CD2AP: variants seen among roughly 807,000 people sequenced by gnomAD.
The protein encoded by CD2AP is CD2 associated protein.
A neutral mutation model predicts 85.1 loss-of-function variants in CD2AP; 46 were observed. The observed-to-expected ratio is 0.54, with a 90% confidence interval of 0.43 to 0.69. The LOEUF (loss-of-function observed/expected upper bound fraction) is 0.69. Ranked by LOEUF, CD2AP falls within the 30% of genes least tolerant of loss-of-function variation. CD2AP has a pLI of 0.00. For missense variants in CD2AP, 769 were observed against 729.5 expected, an observed-to-expected ratio of 1.05 and a Z score of -0.62; for synonymous variants, 255 against 252.9, an observed-to-expected ratio of 1.01 and a Z score of -0.08.
chr6:47,541,808 A>G (rs895160607), intron 3 of CD2AP, among the ~76,000 whole-genome samples: 11 of 152,206 alleles, frequency 7.2e-5, no homozygotes, highest in African/African-American at 1.4e-4. Context: ...ACAAGAACAT[A>G]AGTCTTCTGA....
chr6:47,522,292 C>T (rs996620844), intron 2 of CD2AP, among the ~76,000 whole-genome samples: 20 of 152,104 alleles, frequency 1.3e-4, no homozygotes, highest in South Asian at 2.1e-4. Context: ...TATTTTTATT[C>T]GCTGTACTTA....
chr6:47,553,793 T>C (rs1480790524), intron 4 of CD2AP, among the ~76,000 whole-genome samples: 2 of 152,166 alleles, frequency 1.3e-5, no homozygotes, highest in Non-Finnish European at 2.9e-5. Flanking sequence ...TAAATGTTTT[T>C]CTGAAGTGTT....
Position 47,503,297 on chromosome 6 carries a change from T to G in CD2AP, c.22T>G (p.Tyr8Asp). MVDYIVE[Y>D]DYDAVHDDEL... ...TTTTTTAGTTGACTATATTGTGGAG[T>G]ATGACTATGATGCTGTACATGATGA... The change falls in exon 2 of 18, where the codon TAT (tyrosine) becomes GAT (aspartate). Residue 8 changes from tyrosine to aspartate, a missense_variant. Transcript: ENST00000359314. The G allele has an allele frequency of 1.9e-6, 3 of 1,613,716 alleles. No homozygotes were observed. The highest frequency in any genetic ancestry group is 2.5e-6 in the Non-Finnish European group (3 of 1,179,800).
chr6:47,576,184 T>C (rs1768306120), intron 6 of CD2AP, among the ~76,000 whole-genome samples: 1 of 152,186 alleles, frequency 6.6e-6, no homozygotes, highest in African/African-American at 2.4e-5. Context: ...CATGCAGTTC[T>C]CCTGCCTTGG....
chr6:47,525,280 C>T (rs1210268915), intron 2 of CD2AP, among the ~76,000 whole-genome samples: 1 of 151,962 alleles, frequency 6.6e-6, no homozygotes, highest in African/African-American at 2.4e-5. Context: ...GATTATGCTT[C>T]TGTGAAGTAG....
At chr6:47,495,111 C>T (rs532770526) in intron 1 of CD2AP, among the ~76,000 whole-genome samples, 7 of 152,008 alleles carry the variant, frequency 4.6e-5, no homozygotes, top group South Asian at 2.1e-4. Flanking sequence ...TGCAGTGAGC[C>T]GAAATTACTC....
intron 1 of CD2AP, among the ~76,000 whole-genome samples, chr6:47,496,141 CAG>C (rs1190847691): frequency 6.6e-6 from 1 of 152,070 alleles, no homozygotes; most frequent in Non-Finnish European, 1.5e-5. Flanking sequence ...GAACATCCAT[CAG>C]AGTTTTCTTT....
At chr6:47,503,586 A>C in intron 2 of CD2AP, 146 bp downstream of exon 2, 1 of 718,600 alleles carries the variant, frequency 1.4e-6, no homozygotes, top group Non-Finnish European at 2.4e-6. Context: ...AGGTACCTCT[A>C]TAATGGATAT....
chr6:47,611,952 A>G (rs1471067049), intron 16 of CD2AP, among the ~76,000 whole-genome samples: 2 of 152,152 alleles, frequency 1.3e-5, no homozygotes, highest in African/African-American at 4.8e-5. Context: ...AGAAGGGAAC[A>G]CGGGAAGGTG....
rs141074097 is a variant in CD2AP at position 47,483,268 on chromosome 6, T to G, written c.4+5020T>G. On this transcript the variant is annotated intron_variant, in intron 1 of 17. Transcript: ENST00000359314. Reference sequence around the variant, plus strand: ...AGAACAGTAGTTTAAGAAATCTGGATGGAGGTCTATATGTGCCTACAGTCA... The same window carrying G: ...AGAACAGTAGTTTAAGAAATCTGGAGGGAGGTCTATATGTGCCTACAGTCA... 2.1e-4 allele frequency among the ~76,000 whole-genome samples: 32 copies of G among 152,248 alleles called. No homozygotes were observed. The East Asian group carries it at 5.2e-3, about 25-fold the overall frequency.
At chr6:47,512,537 A>G (rs1050824042) in intron 2 of CD2AP, among the ~76,000 whole-genome samples, 1 of 152,212 alleles carries the variant, frequency 6.6e-6, no homozygotes, top group Non-Finnish European at 1.5e-5. Context: ...CTTATTATGA[A>G]AAACTTTAGA....
At chr6:47,622,365 C>A (rs185664019) in intron 17 of CD2AP, among the ~76,000 whole-genome samples, 1 of 152,256 alleles carries the variant, frequency 6.6e-6, no homozygotes, top group African/African-American at 2.4e-5. Context: ...AGGTCTCTCG[C>A]CCCGTTCAAA....
intron 10 of CD2AP, among the ~76,000 whole-genome samples, chr6:47,581,121 A>G (rs1284101682): frequency 2.0e-5 from 3 of 152,314 alleles, no homozygotes; most frequent in Admixed American, 6.5e-5. Context: ...TAGATACTTT[A>G]TATGTAATTT....
At position 47,477,948 on chromosome 6, in the gene CD2AP, G is replaced by C. The variant is rs9369697; in HGVS notation, c.-297G>C. 1,855 of 516,748 alleles carry C rather than the reference G, an allele frequency of 3.6e-3. 41 individuals are homozygous for C. The Admixed American group carries it at 0.038, about 11-fold the overall frequency. The allele number at this position is 516,748 out of a possible 1,614,324, so 32.0% of individuals were successfully genotyped here. On this transcript the variant is annotated 5_prime_UTR_variant, in exon 1 of 18. Coordinates refer to ENST00000359314, the MANE Select transcript of CD2AP (RefSeq NM_012120.3). Reference sequence around the variant, plus strand: ...TCCCTCCCCACTGCGGGAGCGGCCAGGGTGGGAAAACCGCGGTCGGGCGGG... The same window carrying C: ...TCCCTCCCCACTGCGGGAGCGGCCACGGTGGGAAAACCGCGGTCGGGCGGG...
chr6:47,511,898 C>T lies in CD2AP; in HGVS notation c.165+8458C>T, dbSNP rs181009394. Among the ~76,000 whole-genome samples, 24 of 151,492 alleles carry T rather than the reference C, an allele frequency of 1.6e-4. No homozygotes were observed. The East Asian group carries it at 3.7e-3, about 23-fold the overall frequency. On this transcript the variant is annotated intron_variant, in intron 2 of 17. Coordinates refer to ENST00000359314, the MANE Select transcript of CD2AP (RefSeq NM_012120.3). ...AAAAATTGGCCGGGGGTGGCTCACA[C>T]TTGTAATCCCAGCACTTTGGGAGGC...
At chr6:47,507,142 C>A (rs1276316805) in intron 2 of CD2AP, among the ~76,000 whole-genome samples, 1 of 152,190 alleles carries the variant, frequency 6.6e-6, no homozygotes, top group African/African-American at 2.4e-5. Context: ...GGAAGCAACT[C>A]CTCATCTGTC....
At position 47,626,087 on chromosome 6, in the gene CD2AP, C is replaced by T. The variant is rs917036717; in HGVS notation, c.*1860C>T. On this transcript the variant is annotated 3_prime_UTR_variant, in exon 18 of 18. Transcript: ENST00000359314. ...CACCTGAAAATCTATTGAAGTGATC[C>T]CTGGTCATCCTAATAATGGGATGAG... The T allele has an allele frequency of 2.0e-5, 3 of 151,764 alleles. No homozygotes were observed. Among genetic ancestry groups the T allele is most frequent in the Non-Finnish European group, 4.4e-5 (3 of 67,808 alleles). 9.4% of individuals were successfully genotyped at this position (151,764 alleles called of 1,614,324 possible).
At chr6:47,501,619 CTT>C (rs947758199) in intron 1 of CD2AP, among the ~76,000 whole-genome samples, 7 of 141,966 alleles carry the variant, frequency 4.9e-5, no homozygotes, top group Admixed American at 7.1e-5. Flanking sequence ...ACTCACTTTC[CTT>C]TTTTTTTTTG....
chr6:47,608,058 G>T, intron 15 of CD2AP, 30 bp downstream of exon 15: 1 of 1,443,778 alleles, frequency 6.9e-7, no homozygotes, highest in South Asian at 1.1e-5. Context: ...AAGGTTTGTT[G>T]ACTTTCTGGG....
Sources: allele counts gnomAD v4.1 joint callset (sites outside exome capture counted in the v4.1 genomes callset), GRCh38; gene constraint gnomAD v4.1.1; transcripts MANE v1.5; gene names NCBI Gene and HGNC (gene_info 2026-07-23, HGNC 2026-07-21).